The following SEMA3A variants were observed in gnomAD, a reference collection of about 807,000 sequenced individuals.
The protein encoded by SEMA3A is semaphorin-3A.
A neutral mutation model predicts 97.9 loss-of-function variants in SEMA3A; 29 were observed. The observed-to-expected ratio is 0.30, with a 90% confidence interval of 0.22 to 0.40. The LOEUF (loss-of-function observed/expected upper bound fraction) is 0.40. SEMA3A is among the 10% of genes least tolerant of loss of function. The probability of loss-of-function intolerance (pLI) is 1.00; values close to 1 mark genes in which losing one functional copy is unlikely to be tolerated. For missense variants in SEMA3A, 763 were observed against 951.3 expected (o/e 0.80, Z 2.60); for synonymous variants, 321 against 323.7 (o/e 0.99, Z 0.09).
chr7:84,227,530 T>C (rs531542568), intron 3 of SEMA3A, among the ~76,000 whole-genome samples: 9 of 152,270 alleles, frequency 5.9e-5, no homozygotes, highest in East Asian at 1.9e-4. Flanking sequence ...AATTGAACTC[T>C]GGTAAATCAA....
chr7:83,993,169 G>T (rs1052840091), intron 12 of SEMA3A, among the ~76,000 whole-genome samples: 5 of 134,930 alleles, frequency 3.7e-5, no homozygotes, highest in African/African-American at 1.4e-4. Context: ...CCATTTGCTT[G>T]GTAGATCTTC....
intron 1 of SEMA3A, among the ~76,000 whole-genome samples, chr7:84,143,920 ATC>A (rs142920312): frequency 0.24 from 30,688 of 128,524 alleles, 3,454 homozygotes; most frequent in South Asian, 0.32. Flanking sequence ...TACTGTCCTA[ATC>A]TCTCTCTCTC....
intron 3 of SEMA3A, among the ~76,000 whole-genome samples, chr7:84,295,379 AATGTTGCAATTT>A (rs1368101643): frequency 6.6e-6 from 1 of 152,022 alleles, no homozygotes; most frequent in Admixed American, 6.6e-5. Flanking sequence ...ACAAAATGTG[AATGTTGCAATTT>A]ATCTTTTGCT....
intron 6 of SEMA3A, among the ~76,000 whole-genome samples, chr7:84,040,736 A>G (rs1168141432): frequency 6.6e-6 from 1 of 152,080 alleles, no homozygotes; most frequent in Non-Finnish European, 1.5e-5. Flanking sequence ...CTTTGAATGT[A>G]GTGACTCTAG....
chr7:84,279,370 T>C (rs1371580269), intron 3 of SEMA3A, among the ~76,000 whole-genome samples: 1 of 151,966 alleles, frequency 6.6e-6, no homozygotes, highest in African/African-American at 2.4e-5. Context: ...CTACCCAAAA[T>C]GCATAAAGTA....
intron 1 of SEMA3A, among the ~76,000 whole-genome samples, chr7:84,446,928 T>C (rs558359023): frequency 6.6e-6 from 1 of 152,194 alleles, no homozygotes; most frequent in South Asian, 2.1e-4. Context: ...CCCGCACTCT[T>C]GGCTGCAGCT....
chr7:84,093,658 G>C (rs1429361298), intron 4 of SEMA3A, among the ~76,000 whole-genome samples: 1 of 152,036 alleles, frequency 6.6e-6, no homozygotes, highest in Non-Finnish European at 1.5e-5. Flanking sequence ...GACATGACTG[G>C]AGCTGAAAGC....
chr7:84,070,640 C>G (rs1358189430), intron 4 of SEMA3A, among the ~76,000 whole-genome samples: 1 of 152,016 alleles, frequency 6.6e-6, no homozygotes, highest in Non-Finnish European at 1.5e-5. Context: ...TGTATGTTAT[C>G]ATATATTTTT....
At chr7:84,010,948 T>C (rs1394035809) in intron 9 of SEMA3A, 74 bp downstream of exon 9, 5 of 1,142,594 alleles carry the variant, frequency 4.4e-6, no homozygotes, top group Admixed American at 2.3e-5. Flanking sequence ...AAAATATACT[T>C]TTGCAAATTA....
At chr7:84,051,333 TA>T (rs1364773593) in intron 5 of SEMA3A, among the ~76,000 whole-genome samples, 5 of 152,322 alleles carry the variant, frequency 3.3e-5, no homozygotes, top group Non-Finnish European at 7.4e-5. Context: ...TGATTCTTCC[TA>T]CCCATGAGCA....
chr7:84,422,397 T>C (rs1227362222), intron 1 of SEMA3A, among the ~76,000 whole-genome samples: 2 of 152,098 alleles, frequency 1.3e-5, no homozygotes, highest in Non-Finnish European at 2.9e-5. Context: ...GCCTATTTGA[T>C]TCTTCTCTCT....
chr7:84,174,388 G>T (rs1469717863), intron 1 of SEMA3A, among the ~76,000 whole-genome samples: 1 of 152,146 alleles, frequency 6.6e-6, no homozygotes, highest in South Asian at 2.1e-4. Context: ...GGAACTTAGG[G>T]TTTAAATAGT....
intron 2 of SEMA3A, among the ~76,000 whole-genome samples, chr7:84,355,817 A>G (rs1221618926): frequency 6.6e-6 from 1 of 151,924 alleles, no homozygotes; most frequent in Non-Finnish European, 1.5e-5. Context: ...GTAATAAAAG[A>G]CCGAGAAGAA....
chr7:84,448,885 T>C (rs1399810639), intron 1 of SEMA3A, among the ~76,000 whole-genome samples: 2 of 152,004 alleles, frequency 1.3e-5, no homozygotes, highest in Non-Finnish European at 2.9e-5. Flanking sequence ...GCATCACACT[T>C]TCTGATTACA....
chr7:83,970,202 G>A (rs1193220911), intron 15 of SEMA3A, among the ~76,000 whole-genome samples: 1 of 152,132 alleles, frequency 6.6e-6, no homozygotes, highest in Non-Finnish European at 1.5e-5. Flanking sequence ...AAGAAATAAT[G>A]TTTTTAAGGA....
intron 1 of SEMA3A, among the ~76,000 whole-genome samples, chr7:84,466,003 C>T (rs1327259061): frequency 5.9e-5 from 9 of 152,150 alleles, no homozygotes; most frequent in African/African-American, 1.9e-4. Flanking sequence ...ACATAGCTGA[C>T]ACCTCAGGTA....
rs145406052 is a variant in SEMA3A, at chr7:84,328,382, G to A, written c.-168-21090C>T. 1.6e-3 allele frequency among the ~76,000 whole-genome samples: 245 copies of A among 151,960 alleles called. 1 individual carries two copies. The highest frequency in any genetic ancestry group is 5.5e-3 in the African/African-American group (229 of 41,516). ...CAGAAAGTTCTGACATAACATAAAC[G>A]TTCAGTTCTTGAAAGAAAGAAACAG... On this transcript the variant is annotated intron_variant, in intron 2 of 3. Transcript: ENST00000424555.
At chr7:84,393,891 A>G (rs1434312797) in intron 1 of SEMA3A, among the ~76,000 whole-genome samples, 1 of 152,112 alleles carries the variant, frequency 6.6e-6, no homozygotes, top group African/African-American at 2.4e-5. Flanking sequence ...TTCTTGCCCC[A>G]AGACAATTTA....
intron 4 of SEMA3A, among the ~76,000 whole-genome samples, chr7:84,083,701 T>A (rs1307194721): frequency 6.6e-6 from 1 of 152,026 alleles, no homozygotes; most frequent in Admixed American, 6.6e-5. Context: ...ACCAAAATAA[T>A]GACTGACTCA....
Sources: allele counts gnomAD v4.1 joint callset (sites outside exome capture counted in the v4.1 genomes callset), GRCh38; gene constraint gnomAD v4.1.1; transcripts MANE v1.5; gene names NCBI Gene and HGNC (gene_info 2026-07-23, HGNC 2026-07-21).